The following FRMD5 variants were observed in gnomAD, a reference collection of about 807,000 sequenced individuals.
FRMD5 encodes the protein FERM domain-containing protein 5.
A neutral mutation model predicts 69.0 loss-of-function variants in FRMD5; 20 were observed. The ratio of observed to expected loss-of-function variants is 0.29; its 90% confidence interval spans 0.20 to 0.42. FRMD5 has a LOEUF of 0.42. Among genes scored for constraint, FRMD5 ranks in the 10% least tolerant of loss-of-function variants. The pLI, the probability that FRMD5 is intolerant of heterozygous loss-of-function variation, is 1.00. For synonymous variants in FRMD5, 271 were observed against 260.1 expected (o/e 1.04, Z -0.40); for missense variants, 595 against 708.6 (o/e 0.84, Z 1.82).
chr15:43,922,694 A>C (rs1385009572), intron 2 of FRMD5, among the ~76,000 whole-genome samples: 2 of 149,800 alleles, frequency 1.3e-5, no homozygotes, highest in Non-Finnish European at 3.0e-5. Context: ...TTTAAAGACA[A>C]GAGTCTTGCT....
At chr15:43,922,615 C>A (rs1462044333) in intron 2 of FRMD5, among the ~76,000 whole-genome samples, 1 of 151,554 alleles carries the variant, frequency 6.6e-6, no homozygotes, top group African/African-American at 2.4e-5. Context: ...GCCTTTTTTT[C>A]TTCATATACC....
chr15:44,043,749 C>T (rs1248188255), intron 1 of FRMD5, among the ~76,000 whole-genome samples: 1 of 152,150 alleles, frequency 6.6e-6, no homozygotes, highest in East Asian at 1.9e-4. Context: ...TGGATCCCTT[C>T]CTTACACCTT....
intron 2 of FRMD5, 44 bp downstream of exon 2, chr15:43,924,161 T>C (rs1217240470): frequency 1.1e-5 from 15 of 1,423,722 alleles, no homozygotes; most frequent in Middle Eastern, 1.7e-4. Context: ...CTCAGTCTTA[T>C]TGACTAGCCC....
intron 7 of FRMD5, among the ~76,000 whole-genome samples, chr15:43,893,476 G>C (rs1020249473): frequency 2.1e-4 from 32 of 152,198 alleles, no homozygotes; most frequent in African/African-American, 7.2e-4. Flanking sequence ...CTGGGTGGAG[G>C]ATTTTGCCCT....
chr15:43,873,181 ATGC>A lies in FRMD5; in HGVS notation c.*701_*703del, dbSNP rs1460207859. 1 of 1,550,414 alleles carries A rather than the reference ATGC, an allele frequency of 6.4e-7. No homozygotes were observed. Among genetic ancestry groups the A allele is most frequent in the Non-Finnish European group, 8.7e-7 (1 of 1,146,944 alleles). ...AGGGGACAGACTTACCCCACCCCTG[ATGC>A]TGCTGTTGCTGTAGCGGTGGTCCCT... On this transcript the variant is annotated 3_prime_UTR_variant, in exon 14 of 14. Coordinates refer to ENST00000417257, the MANE Select transcript of FRMD5 (RefSeq NM_032892.5).
chr15:43,999,808 CTATA>C (rs1475424149), intron 1 of FRMD5, among the ~76,000 whole-genome samples: 1 of 150,298 alleles, frequency 6.7e-6, no homozygotes, highest in East Asian at 2.0e-4. Context: ...GTGTGTGTAT[CTATA>C]TATGTGAATA....
intron 1 of FRMD5, among the ~76,000 whole-genome samples, chr15:44,057,256 C>A (rs1566924366): frequency 6.6e-6 from 1 of 152,076 alleles, no homozygotes. Context: ...TCCCCAGTAG[C>A]CACCACGCCT....
intron 1 of FRMD5, among the ~76,000 whole-genome samples, chr15:44,148,587 A>T (rs2077394985): frequency 6.6e-6 from 1 of 152,036 alleles, no homozygotes; most frequent in Non-Finnish European, 1.5e-5. Flanking sequence ...TTTTTTTAAC[A>T]AATTGAAGGT....
In FRMD5 at chr15:44,098,544, G is replaced by A. The variant is rs1165400112; in HGVS notation, c.102+96409C>T. On this transcript the variant is annotated intron_variant, in intron 1 of 13. Transcript: ENST00000417257. ...GTCTCAAAAAAAAAAAAAAAAGAGA[G>A]AGAGAGACATAAGCAGAAAAGCAAT... 2.0e-5 allele frequency among the ~76,000 whole-genome samples: 3 copies of A among 149,560 alleles called. 1 individual carries two copies. Among genetic ancestry groups the A allele is most frequent in the African/African-American group, 4.9e-5 (2 of 40,798 alleles).
At chr15:44,024,160 G>C (rs1891331326) in intron 1 of FRMD5, among the ~76,000 whole-genome samples, 1 of 151,928 alleles carries the variant, frequency 6.6e-6, no homozygotes, top group Non-Finnish European at 1.5e-5. Context: ...TAATCATAGA[G>C]AAAAGTACAG....
At chr15:43,903,215 C>T (rs542562727) in intron 6 of FRMD5, among the ~76,000 whole-genome samples, 1 of 152,366 alleles carries the variant, frequency 6.6e-6, no homozygotes, top group South Asian at 2.1e-4. Context: ...TCTACAGATA[C>T]AGGTTTGGCT....
rs2088202079 is a variant in FRMD5, at chr15:43,873,014, A to T, written c.*871T>A. On this transcript the variant is annotated 3_prime_UTR_variant, in exon 14 of 14. Transcript: ENST00000417257. ...CACTTTGTCCAACATTTCTGACAGA[A>T]CTATCTATCTCTGGTACCACTGAAT... is the stretch of plus-strand genomic sequence containing the variant. 3.2e-6 allele frequency: 2 copies of T among 620,194 alleles called. No individual in the cohort carries two copies. Among genetic ancestry groups the T allele is most frequent in the East Asian group, 2.8e-5 (1 of 35,936 alleles). The allele number at this position is 620,194 out of a possible 1,614,324, so 38.4% of individuals were successfully genotyped here.
intron 5 of FRMD5, among the ~76,000 whole-genome samples, chr15:43,907,527 CTT>C (rs758126629): frequency 1.2e-4 from 17 of 138,736 alleles, no homozygotes; most frequent in Non-Finnish European, 1.4e-4. Context: ...CCAGGCCTAG[CTT>C]TTTTTTTTTT....
chr15:44,195,311 G>T, upstream of FRMD5: 2 of 507,514 alleles, frequency 3.9e-6, no homozygotes, highest in South Asian at 5.1e-5. Context: ...AGCTCGCGGG[G>T]CGGGGCCTCA....
At chr15:43,985,131 A>T (rs1010860982) in intron 1 of FRMD5, among the ~76,000 whole-genome samples, 4 of 151,432 alleles carry the variant, frequency 2.6e-5, no homozygotes, top group African/African-American at 9.7e-5. Context: ...ATACAAAAAA[A>T]TTAGCCTGGT....
chr15:43,882,952 C>T (rs1282344033), intron 13 of FRMD5, among the ~76,000 whole-genome samples: 1 of 151,526 alleles, frequency 6.6e-6, no homozygotes, highest in Non-Finnish European at 1.5e-5. Flanking sequence ...ATTACAGGCT[C>T]CCACGACCAT....
intron 1 of FRMD5, chr15:43,989,745 GC>G: frequency 9.9e-7 from 1 of 1,011,092 alleles, no homozygotes; most frequent in Non-Finnish European, 1.6e-6. Context: ...TCAGTGGTAG[GC>G]CAGAGGTGTA....
chr15:43,971,594 G>C (rs1283113814), intron 1 of FRMD5, among the ~76,000 whole-genome samples: 2 of 139,008 alleles, frequency 1.4e-5, no homozygotes, highest in African/African-American at 2.7e-5. Flanking sequence ...TGATGCAGGA[G>C]AATCACTTGA....
At chr15:44,050,863 G>A (rs1181464948) in intron 1 of FRMD5, among the ~76,000 whole-genome samples, 7 of 151,396 alleles carry the variant, frequency 4.6e-5, no homozygotes, top group South Asian at 2.1e-4. Flanking sequence ...TCACCATGCC[G>A]GCCAGGCTGG....
Sources: allele counts gnomAD v4.1 joint callset (sites outside exome capture counted in the v4.1 genomes callset), GRCh38; gene constraint gnomAD v4.1.1; transcripts MANE v1.5; gene names NCBI Gene and HGNC (gene_info 2026-07-23, HGNC 2026-07-21).